The following TGFB2 variants were observed in gnomAD, a reference collection of about 807,000 sequenced individuals.
TGFB2 encodes the protein transforming growth factor beta 2.
Under a neutral mutation model 42.7 loss-of-function variants are expected in TGFB2, and 13 were observed. The observed-to-expected ratio is 0.30, with a 90% CI of 0.20 to 0.48. The LOEUF is 0.48. TGFB2 is among the 20% of genes least tolerant of loss of function. The probability of loss-of-function intolerance (pLI) is 0.99; values close to 1 mark genes in which losing one functional copy is unlikely to be tolerated. For synonymous variants in TGFB2, 193 were observed against 193.6 expected (o/e 1.00, Z 0.03); for missense variants, 390 against 517.5 (o/e 0.75, Z 2.39).
chr1:218,388,547 G>A (rs145000364), intron 1 of TGFB2, among the ~76,000 whole-genome samples: 2 of 152,100 alleles, frequency 1.3e-5, no homozygotes, highest in South Asian at 4.2e-4. Flanking sequence ...TGAAACATGG[G>A]GGACCTGGTC....
Position 218,441,437 on chromosome 1 carries a change from T to C in TGFB2, c.*75T>C. ...TGATGACGACGACAACGATGATGCT[T>C]GTAACAAGAAAACATAAGAGAGCCT... On this transcript the variant is annotated 3_prime_UTR_variant, in exon 7 of 7. Transcript: ENST00000366930. The C allele has an allele frequency of 6.8e-7, 1 of 1,473,570 alleles. No individual in the cohort carries two copies. The highest frequency in any genetic ancestry group is 2.4e-5 in the Admixed American group (1 of 41,976). 91.3% of individuals were successfully genotyped at this position (1,473,570 alleles called of 1,614,324 possible).
intron 2 of TGFB2, among the ~76,000 whole-genome samples, chr1:218,422,998 A>T (rs1659506038): frequency 6.6e-6 from 1 of 152,216 alleles, no homozygotes; most frequent in Admixed American, 6.5e-5. Flanking sequence ...TATTATTATT[A>T]CTTTGAATGA....
At chr1:218,429,874 A>AATC (rs1659751396) in intron 2 of TGFB2, among the ~76,000 whole-genome samples, 1 of 152,222 alleles carries the variant, frequency 6.6e-6, no homozygotes, top group Non-Finnish European at 1.5e-5. Context: ...ATATCATTTC[A>AATC]TGCTTTCTAG....
At chr1:218,384,701 A>T (rs1658074179) in intron 1 of TGFB2, among the ~76,000 whole-genome samples, 1 of 152,222 alleles carries the variant, frequency 6.6e-6, no homozygotes, top group Non-Finnish European at 1.5e-5. Flanking sequence ...CGTTTGCTTC[A>T]TCTCATTTTT....
intron 2 of TGFB2, among the ~76,000 whole-genome samples, chr1:218,432,624 G>T: frequency 6.6e-6 from 1 of 152,126 alleles, no homozygotes; most frequent in East Asian, 1.9e-4. Flanking sequence ...TGTTTTACAA[G>T]GTTTAAAGGA....
chr1:218,403,953 G>C (rs6688036), intron 1 of TGFB2, among the ~76,000 whole-genome samples: 16,338 of 148,612 alleles, frequency 0.11, 996 homozygotes, highest in African/African-American at 0.17. Context: ...GTAGATGCTT[G>C]ATAAATGAAT....
intron 1 of TGFB2, among the ~76,000 whole-genome samples, chr1:218,398,300 A>G (rs896382506): frequency 6.6e-6 from 1 of 152,248 alleles, no homozygotes; most frequent in Non-Finnish European, 1.5e-5. Flanking sequence ...AAATACCTAT[A>G]GGTTCTTGAC....
At chr1:218,393,220 G>A (rs1658375798) in intron 1 of TGFB2, among the ~76,000 whole-genome samples, 1 of 152,182 alleles carries the variant, frequency 6.6e-6, no homozygotes, top group African/African-American at 2.4e-5. Context: ...TATTTGTTGT[G>A]GGATAAGAGT....
intron 1 of TGFB2, among the ~76,000 whole-genome samples, chr1:218,394,123 A>G (rs1427264926): frequency 6.6e-6 from 1 of 151,946 alleles, no homozygotes; most frequent in African/African-American, 2.4e-5. Flanking sequence ...GTTAGCCAGG[A>G]TGGTCTCGAT....
intron 1 of TGFB2, among the ~76,000 whole-genome samples, chr1:218,387,671 C>T (rs2102574207): frequency 1.3e-5 from 2 of 152,264 alleles, no homozygotes; most frequent in East Asian, 3.9e-4. Flanking sequence ...ATGCTCACTC[C>T]TGAAAAGCCC....
At chr1:218,416,984 A>T (rs1274860501) in intron 2 of TGFB2, among the ~76,000 whole-genome samples, 4 of 152,226 alleles carry the variant, frequency 2.6e-5, no homozygotes, top group Non-Finnish European at 5.9e-5. Flanking sequence ...TGTAAGTCCA[A>T]TAAACCCTTT....
At chr1:218,390,980 T>C (rs1428950933) in intron 1 of TGFB2, among the ~76,000 whole-genome samples, 1 of 152,222 alleles carries the variant, frequency 6.6e-6, no homozygotes, top group Non-Finnish European at 1.5e-5. Context: ...TCTACTGAAG[T>C]GCTAATATGG....
rs1658872521 is a variant in TGFB2, at chr1:218,405,299, C to T, written c.477C>T (p.Ala159=). The change falls in exon 2 of 7, where the codon GCC becomes GCT. Residue 159 remains alanine, a synonymous_variant. Transcript: ENST00000366930. ...FRVFRLQNPK[A]RVPEQRIELY... ...TCTTTCGTTTGCAGAACCCAAAAGC[C>T]AGAGTGCCTGAACAACGGATTGAGC... The T allele has an allele frequency of 6.2e-7, 1 of 1,614,142 alleles. No homozygotes were observed. Among genetic ancestry groups the T allele is most frequent in the Non-Finnish European group, 8.5e-7 (1 of 1,180,036 alleles).
rs542478275 is a variant in TGFB2, at chr1:218,424,007, C to CT, written c.511-10073dup. On this transcript the variant is annotated intron_variant, in intron 2 of 6. Transcript: ENST00000366930. ...AAAGGCACTTGGCACAGCCCTATGG[C>CT]TTCTTCAAAGAACTCTAAGGGACCA... 1.6e-4 allele frequency among the ~76,000 whole-genome samples: 24 copies of CT among 152,354 alleles called. No homozygotes were observed. The South Asian group carries it at 2.9e-3, about 18-fold the overall frequency.
intron 1 of TGFB2, among the ~76,000 whole-genome samples, chr1:218,402,452 G>T (rs1658753146): frequency 6.6e-6 from 1 of 152,142 alleles, no homozygotes; most frequent in African/African-American, 2.4e-5. Flanking sequence ...TGGATGATTT[G>T]CTTAGAAGAA....
chr1:218,365,443 T>C (rs1372245651), intron 1 of TGFB2, among the ~76,000 whole-genome samples: 2 of 152,150 alleles, frequency 1.3e-5, no homozygotes, highest in African/African-American at 2.4e-5. Flanking sequence ...GCTTCTGTCT[T>C]CCTTTGGTGA....
At chr1:218,369,204 G>A (rs536079011) in intron 1 of TGFB2, among the ~76,000 whole-genome samples, 2 of 138,094 alleles carry the variant, frequency 1.4e-5, no homozygotes, top group South Asian at 4.7e-4. Context: ...GCAGTAAGCC[G>A]AGATCGTGCC....
At chr1:218,406,597 A>G (rs932525181) in intron 2 of TGFB2, among the ~76,000 whole-genome samples, 9 of 152,220 alleles carry the variant, frequency 5.9e-5, no homozygotes, top group African/African-American at 1.4e-4. Flanking sequence ...TGGTACTTGC[A>G]TATAGGGTAT....
chr1:218,426,597 A>G (rs1659632291), intron 2 of TGFB2, among the ~76,000 whole-genome samples: 1 of 152,228 alleles, frequency 6.6e-6, no homozygotes, highest in African/African-American at 2.4e-5. Flanking sequence ...GTGGCATTCA[A>G]ACATCACTGT....
Sources: allele counts gnomAD v4.1 joint callset (sites outside exome capture counted in the v4.1 genomes callset), GRCh38; gene constraint gnomAD v4.1.1; transcripts MANE v1.5; gene names NCBI Gene and HGNC (gene_info 2026-07-23, HGNC 2026-07-21).